NTM: variants seen among roughly 807,000 people sequenced by gnomAD.
The protein encoded by NTM is IgLON family member 2.
In NTM, 13 loss-of-function variants were observed where a neutral mutation model predicts 42.1. The observed-to-expected ratio is 0.31, with a 90% CI of 0.20 to 0.49. NTM has a LOEUF of 0.49. Ranked by LOEUF, NTM falls within the 20% of genes least tolerant of loss-of-function variation. The probability of loss-of-function intolerance (pLI) is 0.99; values close to 1 mark genes in which losing one functional copy is unlikely to be tolerated. For synonymous variants in NTM, 187 were observed against 179.2 expected, an observed-to-expected ratio of 1.04 and a Z score of -0.35; for missense variants, 373 against 452.8, an observed-to-expected ratio of 0.82 and a Z score of 1.60.
At chr11:131,378,940 G>T (rs892259356) in intron 1 of NTM, among the ~76,000 whole-genome samples, 11 of 152,240 alleles carry the variant, frequency 7.2e-5, no homozygotes, top group African/African-American at 2.7e-4. Context: ...TAGAAGTGAT[G>T]CTGGCTCCAC....
intron 1 of NTM, among the ~76,000 whole-genome samples, chr11:131,401,816 ATATATATATATATAT>A (rs1945197023): frequency 3.0e-5 from 1 of 33,266 alleles, no homozygotes; most frequent in Admixed American, 3.0e-4. Flanking sequence ...ATATATATAT[ATATATATATATATAT>A]ATATATATAT....
At position 132,300,308 on chromosome 11, in the gene NTM, A is replaced by G. The variant is rs566207168; in HGVS notation, c.527-7381A>G. Among the ~76,000 whole-genome samples the G allele has an allele frequency of 2.0e-5, 3 of 152,378 alleles. 1 individual carries two copies. In the South Asian group the frequency reaches 6.2e-4, roughly 32 times the overall value. ...AGCTACGATTTCCTGAGAGCTTCCTATATGCTAAGTACTTTACTCATATTT... is the reference window on the plus strand; with the variant it reads ...AGCTACGATTTCCTGAGAGCTTCCTGTATGCTAAGTACTTTACTCATATTT... On this transcript the variant is annotated intron_variant, in intron 4 of 8. Coordinates refer to ENST00000683400, the MANE Select transcript of NTM (RefSeq NM_001352005.2).
intron 1 of NTM, among the ~76,000 whole-genome samples, chr11:131,898,454 A>C (rs1312544049): frequency 1.3e-5 from 2 of 151,056 alleles, no homozygotes; most frequent in African/African-American, 4.9e-5. Flanking sequence ...TAAATAAGAC[A>C]CTCTCCCCTT....
intron 1 of NTM, among the ~76,000 whole-genome samples, chr11:131,508,135 A>G (rs1252129447): frequency 6.8e-6 from 1 of 146,304 alleles, no homozygotes; most frequent in East Asian, 2.0e-4. Context: ...CAACCTACTC[A>G]TCTGACAAAG....
At chr11:131,962,365 C>A (rs1228702365) in intron 2 of NTM, among the ~76,000 whole-genome samples, 1 of 152,134 alleles carries the variant, frequency 6.6e-6, no homozygotes, top group East Asian at 1.9e-4. Context: ...CCTGTTGAAA[C>A]CCTAACCCTC....
At chr11:131,920,283 A>G (rs2057031202) in intron 2 of NTM, among the ~76,000 whole-genome samples, 1 of 152,214 alleles carries the variant, frequency 6.6e-6, no homozygotes, top group Admixed American at 6.5e-5. Flanking sequence ...CGCAGCTGTA[A>G]TGTTCTCTAA....
chr11:132,094,586 G>A (rs909617542), intron 2 of NTM, among the ~76,000 whole-genome samples: 1 of 152,200 alleles, frequency 6.6e-6, no homozygotes, highest in African/African-American at 2.4e-5. Flanking sequence ...GAAAGGAAGA[G>A]CTGACTGATT....
intron 3 of NTM, among the ~76,000 whole-genome samples, chr11:132,199,165 T>A (rs2080774210): frequency 6.6e-6 from 1 of 152,120 alleles, no homozygotes; most frequent in South Asian, 2.1e-4. Context: ...ACAGCTATGA[T>A]TAATGAAACA....
rs1007617813 is a variant in NTM, at chr11:131,424,854, C to T, written c.82+53966C>T. ...AAAGTGCTGGGATTATAGGCGTGAG[C>T]CACCACGCCCAGCTTTTTTTTTTTT... On this transcript the variant is annotated intron_variant, in intron 1 of 8. Transcript: ENST00000683400. Among the ~76,000 whole-genome samples, 3 of 149,148 alleles carry T rather than the reference C, an allele frequency of 2.0e-5. No individual in the cohort carries two copies. The East Asian group carries it at 5.9e-4, about 29-fold the overall frequency.
At chr11:131,398,401 AT>A (rs1009394157) in intron 1 of NTM, among the ~76,000 whole-genome samples, 1 of 152,046 alleles carries the variant, frequency 6.6e-6, no homozygotes, top group Non-Finnish European at 1.5e-5. Context: ...CATTTAATGT[AT>A]TTTTTTCTAA....
intron 1 of NTM, among the ~76,000 whole-genome samples, chr11:131,504,445 G>C (rs904708935): frequency 3.3e-5 from 5 of 152,216 alleles, no homozygotes; most frequent in Non-Finnish European, 5.9e-5. Context: ...GGCTTGGCAG[G>C]AATGGCTTTC....
chr11:131,526,075 C>T lies in NTM; in HGVS notation c.82+155187C>T, dbSNP rs1259299013. Among the ~76,000 whole-genome samples, 4 of 152,208 alleles carry T rather than the reference C, an allele frequency of 2.6e-5. 1 individual carries two copies. The highest frequency in any genetic ancestry group is 5.9e-5 in the Non-Finnish European group (4 of 68,046). ...GTACAGGTGCAGGTGTGCTCTGGCT[C>T]AATCCTCACAACAGTGCCATTAGGC... On this transcript the variant is annotated intron_variant, in intron 1 of 8. Coordinates refer to ENST00000683400, the MANE Select transcript of NTM (RefSeq NM_001352005.2).
At chr11:131,579,690 C>T (rs1161081743) in intron 1 of NTM, among the ~76,000 whole-genome samples, 3 of 151,840 alleles carry the variant, frequency 2.0e-5, no homozygotes, top group African/African-American at 7.3e-5. Context: ...AATGGAAGCT[C>T]CAGGAAGAGA....
At chr11:131,697,801 A>G (rs1323916472) in intron 1 of NTM, among the ~76,000 whole-genome samples, 1 of 152,136 alleles carries the variant, frequency 6.6e-6, no homozygotes, top group Non-Finnish European at 1.5e-5. Context: ...GGAGCCTAAG[A>G]AGGTGTGGTT....
intron 1 of NTM, among the ~76,000 whole-genome samples, chr11:131,566,793 A>T (rs143841411): frequency 6.6e-6 from 1 of 152,266 alleles, no homozygotes; most frequent in Non-Finnish European, 1.5e-5. Flanking sequence ...TGAAAAAGAG[A>T]GAGGGGGAAG....
chr11:131,976,235 C>T (rs747209095), intron 2 of NTM, among the ~76,000 whole-genome samples: 27 of 151,472 alleles, frequency 1.8e-4, no homozygotes, highest in Admixed American at 3.3e-4. Context: ...GAAGTCCAAG[C>T]GATGAAAAGA....
chr11:131,716,840 G>A (rs781276371), intron 1 of NTM, among the ~76,000 whole-genome samples: 1 of 151,848 alleles, frequency 6.6e-6, no homozygotes, highest in Non-Finnish European at 1.5e-5. Flanking sequence ...AAAGCTTTTT[G>A]TTGTTGTTGT....
intron 2 of NTM, among the ~76,000 whole-genome samples, chr11:132,083,508 C>T (rs561805371): frequency 2.6e-4 from 40 of 152,162 alleles, no homozygotes; most frequent in Non-Finnish European, 2.2e-4. Flanking sequence ...TCAAATATAC[C>T]TATGAGTTGG....
chr11:132,134,755 A>ATCTC (rs59029342), intron 2 of NTM, among the ~76,000 whole-genome samples: 3 of 80,226 alleles, frequency 3.7e-5, no homozygotes, highest in Non-Finnish European at 4.9e-5. Context: ...ATATATATAT[A>ATCTC]TATATCTCAC....
Sources: allele counts gnomAD v4.1 joint callset (sites outside exome capture counted in the v4.1 genomes callset), GRCh38; gene constraint gnomAD v4.1.1; transcripts MANE v1.5; gene names NCBI Gene and HGNC (gene_info 2026-07-23, HGNC 2026-07-21).